SH3BGRL: variants seen among roughly 807,000 people sequenced by gnomAD.
SH3BGRL encodes the protein adapter SH3BGRL.
A neutral mutation model predicts 9.8 loss-of-function variants in SH3BGRL; 7 were observed. The observed-to-expected ratio is 0.72, with a 90% confidence interval of 0.41 to 1.35. The LOEUF (loss-of-function observed/expected upper bound fraction) is 1.35, where lower values mean the gene tolerates loss of function less well. Among genes scored for constraint, SH3BGRL ranks in the 40% most tolerant of loss-of-function variants. The probability of loss-of-function intolerance (pLI) is 0.01; values close to 1 mark genes in which losing one functional copy is unlikely to be tolerated. For missense variants in SH3BGRL, 73 were observed against 84.4 expected, an observed-to-expected ratio of 0.86 and a Z score of 0.53; for synonymous variants, 36 against 29.1, an observed-to-expected ratio of 1.24 and a Z score of -0.76.
intron 1 of SH3BGRL, among the ~76,000 whole-genome samples, chrX:81,240,435 T>A (rs1036986591): frequency 8.9e-6 from 1 of 112,019 alleles, no homozygotes; most frequent in African/African-American, 3.2e-5. Flanking sequence ...AAATAAAAAA[T>A]TAATCCCATT....
chrX:81,282,616 A>T (rs1221334125), intron 3 of SH3BGRL, among the ~76,000 whole-genome samples: 2 of 112,021 alleles, frequency 1.8e-5, no homozygotes, highest in African/African-American at 6.5e-5. Flanking sequence ...AAATTAAAAA[A>T]TTCTTTAAAC....
At chrX:81,250,325 G>A (rs191682373) in intron 1 of SH3BGRL, among the ~76,000 whole-genome samples, 2 of 108,452 alleles carry the variant, frequency 1.8e-5, no homozygotes, top group African/African-American at 6.7e-5. Context: ...GCTTGAACCC[G>A]GGAGGCAGAG....
chrX:81,280,228 G>A (rs975969136), intron 3 of SH3BGRL, among the ~76,000 whole-genome samples: 10 of 110,327 alleles, frequency 9.1e-5, no homozygotes, highest in Non-Finnish European at 1.7e-4. Flanking sequence ...CCACCTGATG[G>A]TCCTTCCCTT....
chrX:81,241,908 C>A (rs748469165), intron 1 of SH3BGRL, among the ~76,000 whole-genome samples: 1 of 112,317 alleles, frequency 8.9e-6, no homozygotes, highest in Non-Finnish European at 1.9e-5. Flanking sequence ...GCTGCCTGCC[C>A]GACAGCAGAA....
intron 1 of SH3BGRL, among the ~76,000 whole-genome samples, chrX:81,213,442 A>G (rs1211811782): frequency 8.9e-6 from 1 of 112,430 alleles, no homozygotes; most frequent in African/African-American, 3.2e-5. Flanking sequence ...ATATGATAAA[A>G]AGATAGATGG....
At position 81,278,349 on chromosome X, in the gene SH3BGRL, G is replaced by A; in HGVS notation, c.250G>A (p.Glu84Lys). Residue 84 changes from glutamate (E) to lysine (K), a missense_variant, in exon 3 of 4, where the codon GAA becomes AAA. Coordinates refer to ENST00000373212, the MANE Select transcript of SH3BGRL (RefSeq NM_003022.3). Reference sequence around the variant, plus strand: ...CATCAAGGACTATGATGCCTTCTTTGAAGCCAGAGAAAATAATGCAGTGTA... The same window carrying A: ...CATCAAGGACTATGATGCCTTCTTTAAAGCCAGAGAAAATAATGCAGTGTA... ...QYRGDYDAFF[E>K]ARENNAVYAF... is the part of the protein sequence containing the mutation. The A allele has an allele frequency of 8.4e-7, 1 of 1,194,787 alleles. No homozygotes were observed. Among genetic ancestry groups the A allele is most frequent in the Non-Finnish European group, 1.1e-6 (1 of 883,517 alleles).
At chrX:81,257,692 C>T (rs1340372301) in intron 1 of SH3BGRL, among the ~76,000 whole-genome samples, 3 of 111,308 alleles carry the variant, frequency 2.7e-5, no homozygotes. Flanking sequence ...ATTAGAGTGA[C>T]ATCCTATCAC....
intron 1 of SH3BGRL, among the ~76,000 whole-genome samples, chrX:81,241,617 A>G (rs12848561): frequency 0.57 from 62,731 of 110,537 alleles, 14,602 homozygotes; most frequent in Non-Finnish European, 0.73. Flanking sequence ...CTGTCACTCA[A>G]TGAAGCTCAT....
chrX:81,249,176 C>T (rs1453961945), intron 1 of SH3BGRL, among the ~76,000 whole-genome samples: 1 of 112,419 alleles, frequency 8.9e-6, no homozygotes, highest in African/African-American at 3.2e-5. Flanking sequence ...TCCTCTGACA[C>T]CTAGAACAAG....
At chrX:81,257,464 T>C (rs1422094161) in intron 1 of SH3BGRL, among the ~76,000 whole-genome samples, 1 of 111,596 alleles carries the variant, frequency 9.0e-6, no homozygotes, top group Non-Finnish European at 1.9e-5. Flanking sequence ...TTAGCTGAGT[T>C]CTCCTCTAAA....
intron 1 of SH3BGRL, among the ~76,000 whole-genome samples, chrX:81,226,636 T>C (rs900203526): frequency 2.1e-4 from 22 of 106,586 alleles, no homozygotes; most frequent in African/African-American, 7.4e-4. Flanking sequence ...TTAATATTTA[T>C]ATTTAAGGTG....
chrX:81,274,348 C>T (rs775103010), intron 1 of SH3BGRL, among the ~76,000 whole-genome samples: 3 of 111,352 alleles, frequency 2.7e-5, no homozygotes, highest in Non-Finnish European at 5.7e-5. Context: ...TGCAGTGGCT[C>T]ATGCCTGTAA....
chrX:81,222,777 A>G (rs2075604147), intron 1 of SH3BGRL, among the ~76,000 whole-genome samples: 1 of 111,601 alleles, frequency 9.0e-6, no homozygotes, highest in Non-Finnish European at 1.9e-5. Context: ...GAACTATTTT[A>G]CAGTCCCACC....
At chrX:81,207,097 T>C (rs763807629) in intron 1 of SH3BGRL, among the ~76,000 whole-genome samples, 1 of 112,089 alleles carries the variant, frequency 8.9e-6, no homozygotes, top group African/African-American at 3.2e-5. Context: ...AAAATCAACA[T>C]TGGCCTAGGA....
At chrX:81,267,565 T>C (rs2075761847) in intron 1 of SH3BGRL, among the ~76,000 whole-genome samples, 1 of 111,591 alleles carries the variant, frequency 9.0e-6, no homozygotes, top group Admixed American at 9.5e-5. Context: ...GCTGACTTGA[T>C]TGTGGTGGAT....
At chrX:81,281,434 C>T (rs138021957) in intron 3 of SH3BGRL, among the ~76,000 whole-genome samples, 327 of 111,819 alleles carry the variant, frequency 2.9e-3, no homozygotes, top group Non-Finnish European at 5.1e-3. Flanking sequence ...ACTAGGTAAC[C>T]TATAAAGGAA....
intron 1 of SH3BGRL, among the ~76,000 whole-genome samples, chrX:81,223,396 A>G (rs1271221732): frequency 9.0e-6 from 1 of 111,491 alleles, no homozygotes; most frequent in African/African-American, 3.3e-5. Flanking sequence ...ATCAAGCACC[A>G]TACAATACAT....
intron 1 of SH3BGRL, among the ~76,000 whole-genome samples, chrX:81,234,487 A>G (rs1166493898): frequency 1.8e-5 from 2 of 111,976 alleles, no homozygotes; most frequent in African/African-American, 6.5e-5. Flanking sequence ...GTGATTGTTA[A>G]TTACATTTCT....
Position 81,246,393 on chromosome X carries a change from T to C in SH3BGRL, c.46-30591T>C, listed in dbSNP as rs1214799350. 2.7e-5 allele frequency among the ~76,000 whole-genome samples: 3 copies of C among 111,759 alleles called. No individual in the cohort carries two copies. The East Asian group carries it at 8.4e-4, about 31-fold the overall frequency. ...CATAAATTCTTTCTCAAGGAAGATG[T>C]CCAGTATGGTTTCCTAGGATTTCTT... On this transcript the variant is annotated intron_variant, in intron 1 of 3. Transcript: ENST00000373212.
Sources: allele counts gnomAD v4.1 joint callset (sites outside exome capture counted in the v4.1 genomes callset), GRCh38; gene constraint gnomAD v4.1.1; transcripts MANE v1.5; gene names NCBI Gene and HGNC (gene_info 2026-07-23, HGNC 2026-07-21).